Variants in OSGIN2 observed in about 807,000 individuals in gnomAD.
The protein encoded by OSGIN2 is oxidative stress-induced growth inhibitor 2.
OSGIN2 carries 19 observed loss-of-function variants against 53.8 expected under a neutral mutation model. The observed-to-expected ratio is 0.35, with a 90% CI of 0.25 to 0.52. The LOEUF is 0.52. Ranked by LOEUF, OSGIN2 falls within the 20% of genes least tolerant of loss-of-function variation. OSGIN2 has a pLI of 0.95. For synonymous variants in OSGIN2, 236 were observed against 236.0 expected (o/e 1.00, Z 0.00); for missense variants, 520 against 662.7 (o/e 0.78, Z 2.36).
chr8:89,927,453 C>T lies in OSGIN2; in HGVS notation c.*1921C>T, dbSNP rs931991342. The T allele has an allele frequency of 3.6e-4, 55 of 152,196 alleles. No homozygotes were observed. The highest frequency in any genetic ancestry group is 1.2e-3 in the African/African-American group (50 of 41,436). 9.4% of individuals were successfully genotyped at this position (152,196 alleles called of 1,614,324 possible). ...ACATTTGGGCATTTTCTCTGATATACTATACTCTCATGTTCTATAAATTTC... is the reference window on the plus strand; with the variant it reads ...ACATTTGGGCATTTTCTCTGATATATTATACTCTCATGTTCTATAAATTTC... On this transcript the variant is annotated 3_prime_UTR_variant, in exon 6 of 6. Coordinates refer to ENST00000451899, the MANE Select transcript of OSGIN2 (RefSeq NM_001126111.3).
upstream of OSGIN2, chr8:89,902,392 T>TGCCCG (rs1329255009): frequency 1.3e-5 from 2 of 152,096 alleles, no homozygotes; most frequent in African/African-American, 4.8e-5. Context: ...CTCGGTCCCC[T>TGCCCG]GCCCGCGCAG....
chr8:89,906,206 C>A (rs7002335), intron 1 of OSGIN2, among the ~76,000 whole-genome samples: 1 of 152,070 alleles, frequency 6.6e-6, no homozygotes, highest in African/African-American at 2.4e-5. Context: ...GGGGTGTCCA[C>A]TCTTTTTGCT....
chr8:89,906,271 TTGA>T, intron 1 of OSGIN2, among the ~76,000 whole-genome samples: 1 of 152,280 alleles, frequency 6.6e-6, no homozygotes, highest in African/African-American at 2.4e-5. Flanking sequence ...TACACTCACA[TTGA>T]TGATAGCTGA....
In OSGIN2 at chr8:89,924,519, C is replaced by T. The variant is rs1809272894; in HGVS notation, c.637C>T (p.Arg213Ter). Residue 213 changes from arginine (R) to a stop codon, truncating the protein, a stop_gained, in exon 6 of 6, where the codon CGA becomes TGA. Transcript: ENST00000451899. LOFTEE classifies it high-confidence loss of function. ...CTTTTTTAGGAGCCTAAAAGGGGATCGAGTTATGCCAGAGGAAATAGCTCG... is the reference window on the plus strand; with the variant it reads ...CTTTTTTAGGAGCCTAAAAGGGGATTGAGTTATGCCAGAGGAAATAGCTCG... ...SSKRRSLKGDRVMPEEIARYY... is the reference protein window; with the variant it reads ...SSKRRSLKGD 1 of 1,599,828 alleles carries T rather than the reference C, an allele frequency of 6.3e-7. No homozygotes were observed. Among genetic ancestry groups the T allele is most frequent in the Non-Finnish European group, 8.5e-7 (1 of 1,174,306 alleles).
chr8:89,902,511 C>G (rs927182453), upstream of OSGIN2: 1 of 153,092 alleles, frequency 6.5e-6, no homozygotes, highest in Admixed American at 6.6e-5. Context: ...CCGCTGCAGC[C>G]GCCGTCGCAG....
chr8:89,924,493 C>G lies in OSGIN2; in HGVS notation c.621-10C>G. The G allele has an allele frequency of 6.4e-7, 1 of 1,564,046 alleles. No individual in the cohort carries two copies. The highest frequency in any genetic ancestry group is 8.6e-7 in the Non-Finnish European group (1 of 1,159,050). ...ATCCTTATAGGATATTTTTCCTTTT[C>G]CTTTTTTAGGAGCCTAAAAGGGGAT... On this transcript the variant is annotated splice_polypyrimidine_tract_variant and intron_variant, in intron 5 of 5. Transcript: ENST00000451899.
At chr8:89,918,057 T>C (rs757852917) in intron 4 of OSGIN2, among the ~76,000 whole-genome samples, 22 of 152,232 alleles carry the variant, frequency 1.4e-4, no homozygotes, top group Admixed American at 1.0e-3. Context: ...TGCCTTTGCT[T>C]TCTGCTCCTT....
Position 89,925,009 on chromosome 8 carries a change from G to A in OSGIN2, c.1127G>A (p.Arg376His), listed in dbSNP as rs750953355. 5 of 1,613,800 alleles carry A rather than the reference G, an allele frequency of 3.1e-6. No homozygotes were observed. The highest frequency in any genetic ancestry group is 2.2e-5 in the South Asian group (2 of 91,080). ...AATATCCCTGTGATTCATGTGTTTC[G>A]CAGACGAGTAACTGATCCAAGCTTA... ...NSNIPVIHVF[R>H]RRVTDPSLIF... The change falls in exon 6 of 6, where the codon CGC becomes CAC. Residue 376 changes from arginine to histidine, a missense_variant. Arg to His is a conservative substitution (Grantham distance 29, BLOSUM62 0). This residue lies in a region of OSGIN2 where 239 missense variants were observed against 328.3 expected (regional missense o/e 0.73). Transcript: ENST00000451899.
At chr8:89,902,264 G>C (rs957638201), upstream of OSGIN2, 3 of 152,278 alleles carry the variant, frequency 2.0e-5, no homozygotes, top group South Asian at 2.1e-4. Context: ...CTCGTCCCTC[G>C]GCCCTCTCGA....
chr8:89,910,717 T>C (rs778671537), intron 2 of OSGIN2, among the ~76,000 whole-genome samples: 1 of 152,214 alleles, frequency 6.6e-6, no homozygotes, highest in Non-Finnish European at 1.5e-5. Context: ...AATGGAGGAA[T>C]CCTGTCTTCT....
chr8:89,905,952 AAT>A, intron 1 of OSGIN2, among the ~76,000 whole-genome samples: 2 of 152,240 alleles, frequency 1.3e-5, no homozygotes, highest in Non-Finnish European at 2.9e-5. Context: ...AGCATCAAAA[AAT>A]GAAATACATA....
intron 1 of OSGIN2, among the ~76,000 whole-genome samples, chr8:89,904,311 A>T (rs1427559903): frequency 6.6e-6 from 1 of 152,198 alleles, no homozygotes; most frequent in Admixed American, 6.5e-5. Context: ...CTTTTGATGC[A>T]CAGTGTAGGA....
chr8:89,914,391 G>A (rs1401647704), intron 3 of OSGIN2, among the ~76,000 whole-genome samples, 164 bp from the exon 4 acceptor site: 1 of 152,048 alleles, frequency 6.6e-6, no homozygotes, highest in Non-Finnish European at 1.5e-5. Flanking sequence ...GAATTTATTA[G>A]AGCAGAGTTT....
At chr8:89,904,473 T>G (rs1200015558) in intron 1 of OSGIN2, among the ~76,000 whole-genome samples, 1 of 152,164 alleles carries the variant, frequency 6.6e-6, no homozygotes, top group Non-Finnish European at 1.5e-5. Context: ...AGATAAACAT[T>G]ATGATTAATA....
chr8:89,904,261 C>T (rs1808790480), intron 1 of OSGIN2, among the ~76,000 whole-genome samples: 1 of 152,218 alleles, frequency 6.6e-6, no homozygotes, highest in Non-Finnish European at 1.5e-5. Context: ...GAGAATCTAA[C>T]ATGCCTTTCA....
intron 4 of OSGIN2, among the ~76,000 whole-genome samples, chr8:89,920,339 T>A (rs980562187): frequency 1.3e-5 from 2 of 152,198 alleles, no homozygotes; most frequent in Non-Finnish European, 2.9e-5. Flanking sequence ...CTGGGTGTTA[T>A]AGAAGCAGGG....
At chr8:89,911,846 G>A (rs1196962291) in intron 2 of OSGIN2, among the ~76,000 whole-genome samples, 1 of 151,832 alleles carries the variant, frequency 6.6e-6, no homozygotes, top group Non-Finnish European at 1.5e-5. Flanking sequence ...GCTGAGGCAG[G>A]AGAATGGTGT....
At chr8:89,914,841 A>G (rs1199641075) in intron 4 of OSGIN2, 95 bp downstream of exon 4, 13 of 853,898 alleles carry the variant, frequency 1.5e-5, no homozygotes, top group Non-Finnish European at 2.1e-5. Context: ...GTTATATGTG[A>G]TGTTTATCAC....
chr8:89,904,968 G>A (rs1195778072), intron 1 of OSGIN2, among the ~76,000 whole-genome samples: 2 of 152,200 alleles, frequency 1.3e-5, no homozygotes, highest in African/African-American at 2.4e-5. Flanking sequence ...GAGTGTGACT[G>A]ACTTCATTTG....
Sources: gnomAD v4.1 joint callset for allele counts (sites outside exome capture counted in the v4.1 genomes callset) on GRCh38, gnomAD v4.1.1 for gene constraint, gnomAD v4.1.1 regional missense constraint, MANE v1.5 for transcripts, NCBI Gene and HGNC (gene_info 2026-07-23, HGNC 2026-07-21) for gene names.